The following ME3 variants were observed in gnomAD, a reference collection of about 807,000 sequenced individuals.
ME3 encodes NADP-dependent malic enzyme, mitochondrial.
Under a neutral mutation model 68.9 loss-of-function variants are expected in ME3, and 48 were observed. The observed-to-expected ratio is 0.70, with a 90% CI of 0.55 to 0.89. The LOEUF is 0.89. Among genes scored for constraint, ME3 ranks in the 40% least tolerant of loss-of-function variants. The probability of loss-of-function intolerance (pLI) is 0.00; values close to 1 mark genes in which losing one functional copy is unlikely to be tolerated. For missense variants in ME3, 675 were observed against 797.4 expected (o/e 0.85, Z 1.85); for synonymous variants, 320 against 318.8 (o/e 1.00, Z -0.04).
At chr11:86,498,112 TCAC>T in exon 6 of ME3, 1 of 1,611,062 alleles carries the variant, frequency 6.2e-7, no homozygotes, top group Non-Finnish European at 8.5e-7. Context: ...TCCCCATCAG[TCAC>T]CACCACGGCC....
At chr11:86,629,351 C>G (rs1943869252) in intron 2 of ME3, among the ~76,000 whole-genome samples, 1 of 142,884 alleles carries the variant, frequency 7.0e-6, no homozygotes, top group Admixed American at 7.1e-5. Flanking sequence ...TATTTGTTTT[C>G]TTAAAGAAGC....
At chr11:86,624,386 A>T (rs1943532049) in intron 2 of ME3, among the ~76,000 whole-genome samples, 1 of 152,230 alleles carries the variant, frequency 6.6e-6, no homozygotes, top group South Asian at 2.1e-4. Context: ...GGATTCTCTG[A>T]CAAATCCCCT....
At chr11:86,489,526 G>C (rs1043289595) in intron 6 of ME3, among the ~76,000 whole-genome samples, 1 of 152,154 alleles carries the variant, frequency 6.6e-6, no homozygotes, top group African/African-American at 2.4e-5. Context: ...GTGTGGCTCA[G>C]AACTATCTTA....
chr11:86,573,426 G>A lies in ME3; in HGVS notation c.184-13603C>T, dbSNP rs541324164. 8.2e-4 allele frequency among the ~76,000 whole-genome samples: 95 copies of A among 115,458 alleles called. 1 individual carries two copies. Among genetic ancestry groups the A allele is most frequent in the African/African-American group, 2.6e-3 (91 of 35,324 alleles). 75.7% of individuals were successfully genotyped at this position (115,458 alleles called of 152,430 possible). A position where few individuals can be genotyped will look rare whatever the true frequency, so the allele number is the denominator to read the frequency against. On this transcript the variant is annotated intron_variant, in intron 2 of 14. Transcript: ENST00000543262. Reference sequence around the variant, plus strand: ...TTATAGTTTTGGGTTTTACATTTTAGTCTTTTTTTTTTTTTGGTATATATG... The same window carrying A: ...TTATAGTTTTGGGTTTTACATTTTAATCTTTTTTTTTTTTTGGTATATATG...
intron 2 of ME3, among the ~76,000 whole-genome samples, chr11:86,661,366 C>T (rs2135489925): frequency 6.6e-6 from 1 of 152,288 alleles, no homozygotes; most frequent in Non-Finnish European, 1.5e-5. Context: ...ATGGATGGGG[C>T]ACCCAGGCAT....
intron 8 of ME3, among the ~76,000 whole-genome samples, chr11:86,459,082 G>T (rs1029999114): frequency 6.6e-6 from 1 of 152,194 alleles, no homozygotes; most frequent in African/African-American, 2.4e-5. Flanking sequence ...CTTGGCCCTG[G>T]ATGCATTATC....
chr11:86,562,845 G>T (rs1469380256), intron 2 of ME3, among the ~76,000 whole-genome samples: 2 of 151,712 alleles, frequency 1.3e-5, no homozygotes, highest in East Asian at 3.9e-4. Flanking sequence ...CTAGTAGTCT[G>T]CAGTGTCTAT....
intron 6 of ME3, among the ~76,000 whole-genome samples, chr11:86,494,034 C>T (rs901480038): frequency 2.7e-5 from 4 of 145,760 alleles, no homozygotes; most frequent in Non-Finnish European, 6.0e-5. Context: ...GGGGGAATAT[C>T]TTGCAAACGG....
chr11:86,446,956 T>C (rs4944580), intron 12 of ME3, 109 bp downstream of exon 12: 1,078,345 of 1,380,098 alleles, frequency 0.78, 421,980 homozygotes, highest in South Asian at 0.86. Context: ...CTTTCTGAAA[T>C]TCAGTTTGCT....
chr11:86,588,872 A>G (rs1248682547), intron 2 of ME3, among the ~76,000 whole-genome samples: 4 of 152,142 alleles, frequency 2.6e-5, no homozygotes, highest in Non-Finnish European at 5.9e-5. Context: ...GCCTGAGACA[A>G]AAGAGTTGTG....
At chr11:86,524,800 C>A (rs922378698) in intron 4 of ME3, among the ~76,000 whole-genome samples, 1 of 152,162 alleles carries the variant, frequency 6.6e-6, no homozygotes, top group Admixed American at 6.5e-5. Flanking sequence ...ATGTAAGAGA[C>A]AGCTAAGTGC....
chr11:86,610,298 C>A (rs1031027097), intron 2 of ME3, among the ~76,000 whole-genome samples: 1 of 151,808 alleles, frequency 6.6e-6, no homozygotes, highest in African/African-American at 2.4e-5. Flanking sequence ...TTCATATTAT[C>A]GTTATATTTT....
chr11:86,632,255 C>T (rs866874720), intron 2 of ME3, among the ~76,000 whole-genome samples: 2 of 152,090 alleles, frequency 1.3e-5, no homozygotes, highest in Non-Finnish European at 1.5e-5. Flanking sequence ...TCTGGGAGAG[C>T]AGCTTCACAG....
At chr11:86,571,297 T>G (rs1957775269) in intron 2 of ME3, among the ~76,000 whole-genome samples, 2 of 152,236 alleles carry the variant, frequency 1.3e-5, no homozygotes, top group Non-Finnish European at 2.9e-5. Context: ...TTAAGTGTCT[T>G]CTGTGCTTGG....
At chr11:86,586,126 G>C (rs779103539) in intron 2 of ME3, among the ~76,000 whole-genome samples, 2 of 152,198 alleles carry the variant, frequency 1.3e-5, no homozygotes, top group African/African-American at 4.8e-5. Context: ...ACTAAAGGGG[G>C]TGGTTTAAGG....
At chr11:86,528,686 C>A (rs560242664) in intron 4 of ME3, among the ~76,000 whole-genome samples, 12 of 151,868 alleles carry the variant, frequency 7.9e-5, no homozygotes, top group African/African-American at 2.2e-4. Flanking sequence ...CAAACTAGAA[C>A]TCAGGATTAA....
chr11:86,556,516 C>T (rs1594430190), intron 4 of ME3, 37 bp downstream of exon 4: 2 of 1,597,636 alleles, frequency 1.3e-6, no homozygotes, highest in East Asian at 4.5e-5. Flanking sequence ...CTCTATGAGG[C>T]AGCCCCTCCC....
intron 4 of ME3, among the ~76,000 whole-genome samples, chr11:86,538,177 G>C (rs1235749028): frequency 6.6e-6 from 1 of 152,104 alleles, no homozygotes; most frequent in East Asian, 1.9e-4. Context: ...ATATTTATGG[G>C]GACACACATA....
At chr11:86,484,499 A>T (rs1181953205) in intron 7 of ME3, among the ~76,000 whole-genome samples, 3 of 152,178 alleles carry the variant, frequency 2.0e-5, no homozygotes, top group African/African-American at 7.2e-5. Flanking sequence ...TGGCTGACGC[A>T]TGCCCCTCCC....
Sources: gnomAD v4.1 joint callset for allele counts (sites outside exome capture counted in the v4.1 genomes callset) on GRCh38, gnomAD v4.1.1 for gene constraint, MANE v1.5 for transcripts, NCBI Gene and HGNC (gene_info 2026-07-23, HGNC 2026-07-21) for gene names.